HS6ST2: variants seen among roughly 807,000 people sequenced by gnomAD.
The protein encoded by HS6ST2 is heparan-sulfate 6-O-sulfotransferase 2.
Under a neutral mutation model 33.0 loss-of-function variants are expected in HS6ST2, and 17 were observed. The ratio of observed to expected loss-of-function variants is 0.52; its 90% confidence interval spans 0.35 to 0.77. The LOEUF (loss-of-function observed/expected upper bound fraction) is 0.77. HS6ST2 is among the 30% of genes least tolerant of loss of function. The pLI, the probability that HS6ST2 is intolerant of heterozygous loss-of-function variation, is 0.01. For missense variants in HS6ST2, 519 were observed against 551.7 expected (o/e 0.94, Z 0.59); for synonymous variants, 248 against 237.1 (o/e 1.05, Z -0.42).
At chrX:132,935,086 C>T (rs1269712338) in intron 2 of HS6ST2, among the ~76,000 whole-genome samples, 1 of 111,307 alleles carries the variant, frequency 9.0e-6, no homozygotes, top group East Asian at 2.8e-4. Context: ...ATGCAGCTAA[C>T]AACAGATCCC....
At chrX:132,751,260 C>T (rs1226911662) in intron 2 of HS6ST2, among the ~76,000 whole-genome samples, 12 of 98,528 alleles carry the variant, frequency 1.2e-4, no homozygotes, top group African/African-American at 3.3e-4. Context: ...TGGGGCGGGG[C>T]GGGGGGGCTT....
chrX:132,743,972 G>A (rs1021567981), intron 2 of HS6ST2, among the ~76,000 whole-genome samples: 4 of 110,206 alleles, frequency 3.6e-5, no homozygotes, highest in African/African-American at 1.3e-4. Context: ...TGTGTGTGTG[G>A]AGAAACGGGT....
intron 2 of HS6ST2, among the ~76,000 whole-genome samples, chrX:132,949,667 CATT>C (rs897025944): frequency 9.0e-6 from 1 of 111,059 alleles, no homozygotes; most frequent in African/African-American, 3.3e-5. Context: ...CTTAGTAAAA[CATT>C]ATTTTAAAAA....
At chrX:132,929,338 T>C (rs1211332963) in intron 2 of HS6ST2, among the ~76,000 whole-genome samples, 1 of 110,476 alleles carries the variant, frequency 9.1e-6, no homozygotes, top group East Asian at 2.8e-4. Flanking sequence ...AAAACACACA[T>C]GACAAGCCAG....
chrX:132,630,972 T>G (rs1167798502), intron 4 of HS6ST2, among the ~76,000 whole-genome samples: 1 of 111,409 alleles, frequency 9.0e-6, no homozygotes, highest in Admixed American at 9.6e-5. Flanking sequence ...CCCAAAAATG[T>G]GTGATACTGA....
At chrX:132,943,325 C>A (rs1203339745) in intron 2 of HS6ST2, among the ~76,000 whole-genome samples, 1 of 111,366 alleles carries the variant, frequency 9.0e-6, no homozygotes, top group Non-Finnish European at 1.9e-5. Flanking sequence ...ATTTTAAATG[C>A]CAGCTCCAAT....
chrX:132,719,411 G>A (rs1007709964), intron 2 of HS6ST2, among the ~76,000 whole-genome samples: 2 of 112,094 alleles, frequency 1.8e-5, no homozygotes, highest in Admixed American at 1.9e-4. Context: ...GGAAAAAGGT[G>A]AGTTGAGAGC....
chrX:132,815,393 C>T (rs1269581357), intron 2 of HS6ST2, among the ~76,000 whole-genome samples: 1 of 111,479 alleles, frequency 9.0e-6, no homozygotes, highest in Non-Finnish European at 1.9e-5. Context: ...TTCAAGACAA[C>T]AAATGAGGAA....
At chrX:132,686,692 C>A (rs2064018596) in intron 3 of HS6ST2, among the ~76,000 whole-genome samples, 1 of 111,150 alleles carries the variant, frequency 9.0e-6, no homozygotes, top group Non-Finnish European at 1.9e-5. Flanking sequence ...TAAAAATAAT[C>A]CAAGCTTGCC....
chrX:132,939,486 A>G (rs1370891832), intron 2 of HS6ST2, among the ~76,000 whole-genome samples: 9 of 110,321 alleles, frequency 8.2e-5, no homozygotes, highest in Non-Finnish European at 1.1e-4. Context: ...TTAGCCGGGC[A>G]TGGTGGCGTG....
intron 2 of HS6ST2, among the ~76,000 whole-genome samples, chrX:132,844,400 A>G (rs2065732247): frequency 9.0e-6 from 1 of 111,584 alleles, no homozygotes; most frequent in African/African-American, 3.3e-5. Flanking sequence ...ACAAATAATA[A>G]CATTTCTGAT....
intron 2 of HS6ST2, among the ~76,000 whole-genome samples, chrX:132,919,626 T>C (rs756070744): frequency 1.1e-4 from 12 of 112,269 alleles, no homozygotes; most frequent in Non-Finnish European, 1.7e-4. Context: ...ACAACTTTGA[T>C]CTTGCATTAG....
chrX:132,730,655 T>A (rs2064448695), intron 2 of HS6ST2, among the ~76,000 whole-genome samples: 1 of 111,740 alleles, frequency 8.9e-6, no homozygotes, highest in Non-Finnish European at 1.9e-5. Context: ...CTCCACAGAG[T>A]GTTTCTTTGT....
chrX:132,853,978 T>C (rs1239081649), intron 2 of HS6ST2, among the ~76,000 whole-genome samples: 1 of 110,671 alleles, frequency 9.0e-6, no homozygotes, highest in African/African-American at 3.3e-5. Flanking sequence ...GAGCCTTCAG[T>C]GCAGTGGTGA....
At chrX:132,678,037 G>A (rs1416841585) in intron 3 of HS6ST2, among the ~76,000 whole-genome samples, 2 of 111,409 alleles carry the variant, frequency 1.8e-5, no homozygotes, top group Non-Finnish European at 3.8e-5. Context: ...TACTTTCTAG[G>A]GGGCCAAATG....
At chrX:132,813,367 A>G (rs936932652) in intron 2 of HS6ST2, among the ~76,000 whole-genome samples, 3 of 110,627 alleles carry the variant, frequency 2.7e-5, no homozygotes, top group Non-Finnish European at 5.7e-5. Context: ...TACCTCTCCA[A>G]CTGTTTCCTC....
chrX:132,746,312 C>T (rs1326785332), intron 2 of HS6ST2, among the ~76,000 whole-genome samples: 1 of 110,876 alleles, frequency 9.0e-6, no homozygotes, highest in Non-Finnish European at 1.9e-5. Flanking sequence ...ACCATCCTGG[C>T]TAACACGGTG....
chrX:132,927,828 G>T (rs2066724653), intron 2 of HS6ST2, among the ~76,000 whole-genome samples: 1 of 99,024 alleles, frequency 1.0e-5, no homozygotes, highest in East Asian at 3.1e-4. Flanking sequence ...TTACACTCCA[G>T]CCTGGGCTAT....
chrX:132,898,875 T>C, intron 2 of HS6ST2, among the ~76,000 whole-genome samples: 2 of 110,379 alleles, frequency 1.8e-5, no homozygotes, highest in Middle Eastern at 9.3e-3. Context: ...TTGGCATACG[T>C]ATGGGAGGAA....
Sources: allele counts gnomAD v4.1 joint callset (sites outside exome capture counted in the v4.1 genomes callset), GRCh38; gene constraint gnomAD v4.1.1; transcripts MANE v1.5; gene names NCBI Gene and HGNC (gene_info 2026-07-23, HGNC 2026-07-21).